NPR2: variants seen among roughly 807,000 people sequenced by gnomAD.
NPR2 encodes natriuretic peptide receptor 2.
In NPR2, 49 loss-of-function variants were observed where a neutral mutation model predicts 120.7. That is an observed-to-expected ratio of 0.41 (90% CI 0.32 to 0.52). NPR2 has a LOEUF of 0.52. Among genes scored for constraint, NPR2 ranks in the 20% least tolerant of loss-of-function variants. The pLI, the probability that NPR2 is intolerant of heterozygous loss-of-function variation, is 0.36. For missense variants in NPR2, 931 were observed against 1,362.9 expected, an observed-to-expected ratio of 0.68 and a Z score of 4.99; for synonymous variants, 484 against 519.8, an observed-to-expected ratio of 0.93 and a Z score of 0.94.
rs913043628 is a variant in NPR2, at chr9:35,805,290, G to T, written c.1888-221G>T. Among the ~76,000 whole-genome samples, 2 of 152,154 alleles carry T rather than the reference G, an allele frequency of 1.3e-5. No homozygotes were observed. The highest frequency in any genetic ancestry group is 4.8e-5 in the African/African-American group (2 of 41,418). ...CTTTTTAAGCATTTTCCCTGTCCCT[G>T]GTGGCTGGGTGCCTGTGTCCTGCTT... On this transcript the variant is annotated intron_variant, in intron 12 of 21. Coordinates refer to ENST00000342694, the MANE Select transcript of NPR2 (RefSeq NM_003995.4). This position sits in a 1 kb window ranked among gnomAD's most constrained non-coding sequence, Gnocchi z 4.9.
chr9:35,800,312 A>C lies in NPR2; in HGVS notation c.1124-77A>C. ...CAAGATCGGGGAAGGGTAGACTCTGAGGGAGCCGTAGGCATGAGTGAGTGG... is the reference window on the plus strand; with the variant it reads ...CAAGATCGGGGAAGGGTAGACTCTGCGGGAGCCGTAGGCATGAGTGAGTGG... On this transcript the variant is annotated intron_variant, in intron 4 of 21. Transcript: ENST00000342694. This position sits in a 1 kb window ranked among gnomAD's most constrained non-coding sequence, Gnocchi z 4.7. 1 of 1,449,976 alleles carries C rather than the reference A, an allele frequency of 6.9e-7. No homozygotes were observed. The highest frequency in any genetic ancestry group is 9.7e-7 in the Non-Finnish European group (1 of 1,030,292). The allele number at this position is 1,449,976 out of a possible 1,614,324, so 89.8% of individuals were successfully genotyped here. A position where few individuals can be genotyped will look rare whatever the true frequency, so the allele number is the denominator to read the frequency against.
rs1329651729 is a variant in NPR2 at position 35,809,508 on chromosome 9, C to T, written c.*63C>T. The T allele has an allele frequency of 6.2e-7, 1 of 1,613,220 alleles. No homozygotes were observed. Among genetic ancestry groups the T allele is most frequent in the Admixed American group, 1.7e-5 (1 of 60,000 alleles). ...TGGTACCTGGGTGGGCAATGGCCAC[C>T]ATGTCTGCACACACCAGAAATGGAC... On this transcript the variant is annotated 3_prime_UTR_variant, in exon 22 of 22. Coordinates refer to ENST00000342694, the MANE Select transcript of NPR2 (RefSeq NM_003995.4). This position sits in a 1 kb window ranked among gnomAD's most constrained non-coding sequence, Gnocchi z 4.1.
intron 1 of NPR2, 61 bp from the exon 2 acceptor site, chr9:35,793,837 G>T: frequency 6.6e-7 from 1 of 1,514,994 alleles, no homozygotes; most frequent in African/African-American, 1.4e-5. Flanking sequence ...TCAGAGAGGG[G>T]GCTGTGTGGG....
chr9:35,797,778 T>G (rs1827988626), intron 2 of NPR2, among the ~76,000 whole-genome samples: 1 of 152,090 alleles, frequency 6.6e-6, no homozygotes, highest in Non-Finnish European at 1.5e-5. Flanking sequence ...GTACTACAAC[T>G]ACAACTAGTA....
chr9:35,808,377 T>G lies in NPR2; in HGVS notation c.2713-132T>G. 1 of 1,400,848 alleles carries G rather than the reference T, an allele frequency of 7.1e-7. No homozygotes were observed. The highest frequency in any genetic ancestry group is 1.0e-6 in the Non-Finnish European group (1 of 992,686). The allele number at this position is 1,400,848 out of a possible 1,614,324, so 86.8% of individuals were successfully genotyped here. A position where few individuals can be genotyped will look rare whatever the true frequency, so the allele number is the denominator to read the frequency against. On this transcript the variant is annotated intron_variant, in intron 18 of 21. Transcript: ENST00000342694. This position sits in a 1 kb window ranked among gnomAD's most constrained non-coding sequence, Gnocchi z 4.0. ...CCCCTAGACTCAGGACCATGGCACT[T>G]ATTTTCTAGTCAATATTCTGGTCTC...
At position 35,801,976 on chromosome 9, in the gene NPR2, C is replaced by G; in HGVS notation, c.1608C>G (p.Ile536Met). Reference sequence around the variant, plus strand: ...TGACAGCCCATGGGAAATACCAGATCTTTGCCAACACCGGTCACTTCAAGG... The same window carrying G: ...TGACAGCCCATGGGAAATACCAGATGTTTGCCAACACCGGTCACTTCAAGG... ...SLMTAHGKYQ[I>M]FANTGHFKGN... The change falls in exon 9 of 22, where the codon ATC becomes ATG. Residue 536 changes from isoleucine (I) to methionine (M), a missense_variant. Physicochemically the swap from Ile to Met is conservative, Grantham distance 10. This residue lies in a region of NPR2 where 681 missense variants were observed against 974.3 expected (regional missense o/e 0.70). Transcript: ENST00000342694. The G allele has an allele frequency of 6.2e-7, 1 of 1,614,196 alleles. No individual in the cohort carries two copies. The highest frequency in any genetic ancestry group is 2.2e-5 in the East Asian group (1 of 44,882).
intron 1 of NPR2, 131 bp downstream of exon 1, chr9:35,793,206 A>T: frequency 1.0e-6 from 1 of 991,736 alleles, no homozygotes; most frequent in Non-Finnish European, 1.4e-6. Flanking sequence ...CAAGAAGCAC[A>T]CGTGGACAGA....
chr9:35,801,203 C>A (rs1351485386), intron 7 of NPR2, 49 bp downstream of exon 7: 2 of 1,378,426 alleles, frequency 1.5e-6, no homozygotes, highest in Admixed American at 3.3e-5. Context: ...CATTGCCACA[C>A]AACCTCTGGC....
Position 35,802,498 on chromosome 9 carries a change from G to A in NPR2, c.1711-5G>A, listed in dbSNP as rs1429497299. 1 of 1,558,786 alleles carries A rather than the reference G, an allele frequency of 6.4e-7. No homozygotes were observed. The highest frequency in any genetic ancestry group is 1.7e-5 in the Admixed American group (1 of 59,928). On this transcript the variant is annotated splice_polypyrimidine_tract_variant and splice_region_variant and intron_variant, in intron 10 of 21. Coordinates refer to ENST00000342694, the MANE Select transcript of NPR2 (RefSeq NM_003995.4). The surrounding 1 kb of genome is among the most constrained non-coding windows in gnomAD (Gnocchi z 4.2). ...CTTATCCTTCCCATTGTTTTTTTCT[G>A]CCAGATGAGAGATGTTCAGTTCAAC...
chr9:35,807,188 G>A, intron 17 of NPR2, 42 bp downstream of exon 17: 11 of 464,606 alleles, frequency 2.4e-5, no homozygotes, highest in Non-Finnish European at 4.3e-5. Flanking sequence ...GGTTGGGTGG[G>A]TAGGGACCTG....
rs1258628153 is a variant in NPR2, at chr9:35,800,901, C to T, written c.1351+60C>T. On this transcript the variant is annotated intron_variant, in intron 6 of 21. Coordinates refer to ENST00000342694, the MANE Select transcript of NPR2 (RefSeq NM_003995.4). The surrounding 1 kb of genome is among the most constrained non-coding windows in gnomAD (Gnocchi z 4.7). ...CCCTTTGCTTTCCATTCATGGCCTCCACCCTCACTGACCCTCCACTCTTAA... is the reference window on the plus strand; with the variant it reads ...CCCTTTGCTTTCCATTCATGGCCTCTACCCTCACTGACCCTCCACTCTTAA... 6 of 1,608,282 alleles carry T rather than the reference C, an allele frequency of 3.7e-6. No homozygotes were observed. Among genetic ancestry groups the T allele is most frequent in the Admixed American group, 3.3e-5 (2 of 59,998 alleles).
At position 35,805,622 on chromosome 9, in the gene NPR2, A is replaced by G; in HGVS notation, c.1999A>G (p.Ser667Gly). 3 of 1,614,198 alleles carry G rather than the reference A, an allele frequency of 1.9e-6. No homozygotes were observed. Among genetic ancestry groups the G allele is most frequent in the Non-Finnish European group, 2.5e-6 (3 of 1,180,036 alleles). Residue 667 changes from serine (S) to glycine (G), a missense_variant, in exon 13 of 22, where the codon AGC becomes GGC. Transcript: ENST00000342694. The surrounding 1 kb of genome is among the most constrained non-coding windows in gnomAD (Gnocchi z 4.9). ...CAAAATCACAGACTATGGCCTGGCC[A>G]GCTTCCGATCAACTGCTGAACCTGA... ...VLKITDYGLA[S>G]FRSTAEPDDS...
rs1828317939 is a variant in NPR2, at chr9:35,805,163, G to A, written c.1888-348G>A. Among the ~76,000 whole-genome samples, 2 of 152,232 alleles carry A rather than the reference G, an allele frequency of 1.3e-5. No individual in the cohort carries two copies. Among genetic ancestry groups the A allele is most frequent in the African/African-American group, 4.8e-5 (2 of 41,450 alleles). ...AGCCAGGTATCTGAGGCCACCATGG[G>A]TGTTATATCATTTTGGTCTTCACCC... is the stretch of plus-strand genomic sequence containing the variant. On this transcript the variant is annotated intron_variant, in intron 12 of 21. Coordinates refer to ENST00000342694, the MANE Select transcript of NPR2 (RefSeq NM_003995.4). The surrounding 1 kb of genome is among the most constrained non-coding windows in gnomAD (Gnocchi z 4.9).
Position 35,805,579 on chromosome 9 carries a change from G to A in NPR2, c.1956G>A (p.Val652=), listed in dbSNP as rs769661213. 4.3e-6 allele frequency: 7 copies of A among 1,614,026 alleles called. No individual in the cohort carries two copies. Among genetic ancestry groups the A allele is most frequent in the Admixed American group, 1.7e-5 (1 of 60,006 alleles). The stretch of plus-strand genomic sequence containing the variant: ...GTCTCAAGTCCTCCAACTGTGTGGT[G>A]GATAGTCGTTTTGTGCTCAAAATCA... ...HGSLKSSNCV[V]DSRFVLKITD... is the part of the protein sequence containing the mutation. Residue 652 remains valine, a synonymous_variant, in exon 13 of 22, where the codon GTG becomes GTA. Coordinates refer to ENST00000342694, the MANE Select transcript of NPR2 (RefSeq NM_003995.4). The surrounding 1 kb of genome is among the most constrained non-coding windows in gnomAD (Gnocchi z 4.9).
At chr9:35,793,859 C>T in intron 1 of NPR2, 39 bp from the exon 2 acceptor site, 1 of 1,603,334 alleles carries the variant, frequency 6.2e-7, no homozygotes, top group East Asian at 2.2e-5. Context: ...GACCTGGATA[C>T]CTTCTCAGGG....
chr9:35,807,446 C>A (rs541906641), intron 18 of NPR2, 48 bp downstream of exon 18: 1 of 1,428,840 alleles, frequency 7.0e-7, no homozygotes, highest in East Asian at 2.3e-5. Flanking sequence ...AATAGAGACC[C>A]GCTTTGAAAC....
rs756547227 is a variant in NPR2 at position 35,808,770 on chromosome 9, G to A, written c.2903G>A (p.Gly968Glu). Residue 968 changes from glycine to glutamate, a missense_variant, in exon 20 of 22, where the codon GGG becomes GAG. Coordinates refer to ENST00000342694, the MANE Select transcript of NPR2 (RefSeq NM_003995.4). This position sits in a 1 kb window ranked among gnomAD's most constrained non-coding sequence, Gnocchi z 4.0. ...CTTCTCAAAGGGCCAGTCTGTGCTG[G>A]GGTTGTTGGCCTGAAGATGCCCCGT... ...IGVHTGPVCAGVVGLKMPRYC... is the reference protein window; with the variant it reads ...IGVHTGPVCAEVVGLKMPRYC... 1 of 1,613,714 alleles carries A rather than the reference G, an allele frequency of 6.2e-7. No individual in the cohort carries two copies. Among genetic ancestry groups the A allele is most frequent in the Non-Finnish European group, 8.5e-7 (1 of 1,179,568 alleles).
At position 35,809,286 on chromosome 9, in the gene NPR2, G is replaced by A. The variant is rs202137382; in HGVS notation, c.3078+39G>A. The A allele has an allele frequency of 2.5e-6, 4 of 1,610,566 alleles. No individual in the cohort carries two copies. The Admixed American group carries it at 5.0e-5, about 20-fold the overall frequency. Reference sequence around the variant, plus strand: ...ATGGGGAGGGGGGCATGGAAAGGGAGGGTGAAAGTGATTATGGGAATCATA... The same window carrying A: ...ATGGGGAGGGGGGCATGGAAAGGGAAGGTGAAAGTGATTATGGGAATCATA... On this transcript the variant is annotated intron_variant, in intron 21 of 21. Coordinates refer to ENST00000342694, the MANE Select transcript of NPR2 (RefSeq NM_003995.4). The surrounding 1 kb of genome is among the most constrained non-coding windows in gnomAD (Gnocchi z 4.1).
In NPR2 at chr9:35,794,024, G is replaced by T. The variant is rs1383265272; in HGVS notation, c.794G>T (p.Gly265Val). 1.2e-6 allele frequency: 2 copies of T among 1,614,054 alleles called. No homozygotes were observed. Among genetic ancestry groups the T allele is most frequent in the Admixed American group, 1.7e-5 (1 of 60,008 alleles). Reference sequence around the variant, plus strand: ...GTCTTTGGGGAGAGTCTCCGTGCAGGCCCCACACGTGCTACAGGCCGGCCC... The same window carrying T: ...GTCTTTGGGGAGAGTCTCCGTGCAGTCCCCACACGTGCTACAGGCCGGCCC... ...LDVFGESLRA[G>V]PTRATGRPWQ... The change falls in exon 2 of 22, where the codon GGC (glycine) becomes GTC (valine). Residue 265 changes from glycine (G) to valine (V), a missense_variant. Gly to Val is a moderately radical substitution (Grantham distance 109). Transcript: ENST00000342694.
Sources: gnomAD v4.1 joint callset for allele counts (sites outside exome capture counted in the v4.1 genomes callset) on GRCh38, gnomAD v4.1.1 for gene constraint, gnomAD v4.1.1 regional missense constraint, Gnocchi (gnomAD v3.1) non-coding constraint, MANE v1.5 for transcripts, NCBI Gene and HGNC (gene_info 2026-07-23, HGNC 2026-07-21) for gene names.